The following PEX1 variants were observed in gnomAD, a reference collection of about 807,000 sequenced individuals.
The protein encoded by PEX1 is peroxisomal ATPase PEX1.
In PEX1, 97 loss-of-function variants were observed where a neutral mutation model predicts 152.5. The observed-to-expected ratio is 0.64, with a 90% CI of 0.54 to 0.75. The LOEUF is 0.75. PEX1 is among the 30% of genes least tolerant of loss of function. The probability of loss-of-function intolerance (pLI) is 0.00; values close to 1 mark genes in which losing one functional copy is unlikely to be tolerated. For synonymous variants in PEX1, 485 were observed against 531.6 expected (o/e 0.91, Z 1.21); for missense variants, 1,357 against 1,516.3 (o/e 0.89, Z 1.74).
chr7:92,504,791 G>T lies in PEX1; in HGVS notation c.2012C>A (p.Pro671His). The T allele has an allele frequency of 6.2e-7, 1 of 1,614,184 alleles. No individual in the cohort carries two copies. The highest frequency in any genetic ancestry group is 8.5e-7 in the Non-Finnish European group (1 of 1,180,014). The change falls in exon 12 of 24, where the codon CCT (proline) becomes CAT (histidine). Residue 671 changes from proline (P) to histidine (H), a missense_variant. By Grantham distance (77) the Pro-to-His change is moderately conservative (BLOSUM62 -2). Coordinates refer to ENST00000248633, the MANE Select transcript of PEX1 (RefSeq NM_000466.3). ...ACTGTGCTCATGTTCCGGGACAGCA[G>T]GCAGTCCAGCAATGAGGTCAAGGTC... ...LDDLDLIAGLPAVPEHEHSPD... is the reference protein window; with the variant it reads ...LDDLDLIAGLHAVPEHEHSPD...
At chr7:92,510,093 G>A (rs1242877553) in intron 8 of PEX1, among the ~76,000 whole-genome samples, 3 of 151,186 alleles carry the variant, frequency 2.0e-5, no homozygotes, top group East Asian at 1.9e-4. Flanking sequence ...GCAGTGAGCC[G>A]AGAGTGTGCC....
At position 92,511,024 on chromosome 7, in the gene PEX1, T is replaced by C. The variant is rs771520057; in HGVS notation, c.1507A>G (p.Ile503Val). Residue 503 changes from isoleucine to valine, a missense_variant, in exon 8 of 24, where the codon ATA becomes GTA. Transcript: ENST00000248633. ...TTTTCTTTTTCCCAAGAATGAACTATACTCAGAGAAAATTCCTTCAGTCCT... is the reference window on the plus strand; with the variant it reads ...TTTTCTTTTTCCCAAGAATGAACTACACTCAGAGAAAATTCCTTCAGTCCT... ...KDGLKEFSLS[I>V]VHSWEKEKDK... 5 of 1,556,894 alleles carry C rather than the reference T, an allele frequency of 3.2e-6. No homozygotes were observed. In the Admixed American group the frequency reaches 5.0e-5, roughly 16 times the overall value.
rs1460194011 is a variant in PEX1, at chr7:92,517,510, T to TAGCTTTCC, written c.997_1004dup (p.Val336GlufsTer3). 1 of 1,613,930 alleles carries TAGCTTTCC rather than the reference T, an allele frequency of 6.2e-7. No individual in the cohort carries two copies. The highest frequency in any genetic ancestry group is 2.2e-5 in the East Asian group (1 of 44,872). On this transcript the variant is annotated frameshift_variant, in exon 5 of 24. Coordinates refer to ENST00000248633, the MANE Select transcript of PEX1 (RefSeq NM_000466.3). LOFTEE classifies it high-confidence loss of function. ...GTTGCTTTGGAGAAAGTAGCTTAAC[T>TAGCTTTCC]AGCTTTCCATATGTCACAGTAAAGC...
intron 22 of PEX1, 106 bp downstream of exon 22, chr7:92,489,608 T>TTTC: frequency 1.8e-6 from 2 of 1,127,802 alleles, no homozygotes; most frequent in Non-Finnish European, 2.6e-6. Context: ...TTCTGGTCCC[T>TTTC]TGTTTATAAA....
At chr7:92,516,043 G>A (rs1434235163) in intron 5 of PEX1, among the ~76,000 whole-genome samples, 1,450 of 100,050 alleles carry the variant, frequency 0.014, 39 homozygotes, top group East Asian at 0.12. Flanking sequence ...GAAGAGAAGA[G>A]AAGAGAAGAG....
intron 12 of PEX1, 86 bp downstream of exon 12, chr7:92,504,644 TTC>T: frequency 7.8e-7 from 1 of 1,277,622 alleles, no homozygotes; most frequent in Non-Finnish European, 1.1e-6. Context: ...ACATATATTA[TTC>T]TCTGAAGAGA....
intron 6 of PEX1, 75 bp from the exon 7 acceptor site, chr7:92,511,778 A>T: frequency 7.4e-7 from 1 of 1,351,416 alleles, no homozygotes; most frequent in Non-Finnish European, 1.0e-6. Flanking sequence ...TTAACATCTG[A>T]TCTTCCTAAT....
intron 19 of PEX1, chr7:92,493,460 C>A (rs1791465237): frequency 6.0e-6 from 1 of 165,770 alleles, no homozygotes; most frequent in Non-Finnish European, 1.3e-5. Context: ...ACAGGGAGAC[C>A]CCATCTCTAT....
chr7:92,510,143 CAAAA>C (rs35337329), intron 8 of PEX1, among the ~76,000 whole-genome samples: 1 of 137,962 alleles, frequency 7.2e-6, no homozygotes. Flanking sequence ...GACTCCATCT[CAAAA>C]AAAAAAAAAA....
rs1792460973 is a variant in PEX1 at position 92,511,429 on chromosome 7, A to G, written c.1483+151T>C. On this transcript the variant is annotated intron_variant, in intron 7 of 23. Transcript: ENST00000248633. The stretch of plus-strand genomic sequence containing the variant: ...CATGAGCCACTGCACCCGGCCAAAG[A>G]TATTTTTCAATACATAAAAACTACT... 10 of 726,498 alleles carry G rather than the reference A, an allele frequency of 1.4e-5. No individual in the cohort carries two copies. In the East Asian group the frequency reaches 2.8e-4, roughly 20 times the overall value. The allele number at this position is 726,498 out of a possible 1,614,324, so 45.0% of individuals were successfully genotyped here.
rs150576000 is a variant in PEX1, at chr7:92,518,045, G to A, written c.473-3C>T. 4,877 of 1,614,040 alleles carry A rather than the reference G, an allele frequency of 3.0e-3. 22 individuals are homozygous for A. Among genetic ancestry groups the A allele is most frequent in the Admixed American group, 0.014 (866 of 60,022 alleles). ...AGAGGCAGCTGGTATTAGTGCAACT[G>A]TGTAGAAAATAAAGCTCATTAGTGC... On this transcript the variant is annotated splice_polypyrimidine_tract_variant and splice_region_variant and intron_variant, in intron 4 of 23. Coordinates refer to ENST00000248633, the MANE Select transcript of PEX1 (RefSeq NM_000466.3).
In PEX1 at chr7:92,506,279, A is replaced by G; in HGVS notation, c.1869T>C (p.His623=). 1.2e-6 allele frequency: 2 copies of G among 1,608,432 alleles called. No homozygotes were observed. The highest frequency in any genetic ancestry group is 1.7e-6 in the Non-Finnish European group (2 of 1,174,924). The change falls in exon 11 of 24, where the codon CAT becomes CAC. Residue 623 remains histidine, a synonymous_variant. Coordinates refer to ENST00000248633, the MANE Select transcript of PEX1 (RefSeq NM_000466.3). Reference sequence around the variant, plus strand: ...AAGCTTTACAGTCAACTCTCTCCACATGGGCATCCAGTTTGTCAAATGCTT... The same window carrying G: ...AAGCTTTACAGTCAACTCTCTCCACGTGGGCATCCAGTTTGTCAAATGCTT... ...CKEAFDKLDA[H]VERVDCKALR...
At chr7:92,520,051 G>A (rs1235257895) in intron 2 of PEX1, among the ~76,000 whole-genome samples, 1 of 152,090 alleles carries the variant, frequency 6.6e-6, no homozygotes, top group African/African-American at 2.4e-5. Context: ...TGCCCACCAA[G>A]AAGCTAGAGA....
At chr7:92,492,566 C>T (rs1006136197) in intron 20 of PEX1, among the ~76,000 whole-genome samples, 2 of 152,192 alleles carry the variant, frequency 1.3e-5, no homozygotes, top group Non-Finnish European at 2.9e-5. Flanking sequence ...TCCTATTGGC[C>T]AGATTGGAAC....
chr7:92,517,474 T>G lies in PEX1; in HGVS notation c.1041A>C (p.Lys347Asn), dbSNP rs775848018. 1 of 1,614,034 alleles carries G rather than the reference T, an allele frequency of 6.2e-7. No homozygotes were observed. The highest frequency in any genetic ancestry group is 8.5e-7 in the Non-Finnish European group (1 of 1,180,016). Residue 347 changes from lysine to asparagine, a missense_variant, in exon 5 of 24, where the codon AAA (lysine) becomes AAC (asparagine). Transcript: ENST00000248633. The part of the protein sequence containing the change: ...KLLSPKQQQS[K>N]TKQNVLSPEK... ...CAGGTGATAACACATTTTGTTTTGT[T>G]TTACTTTGCTGTTGCTTTGGAGAAA...
At chr7:92,501,378 T>G (rs1037545171) in intron 15 of PEX1, 129 bp downstream of exon 15, 5 of 724,592 alleles carry the variant, frequency 6.9e-6, no homozygotes, top group African/African-American at 1.8e-5. Context: ...GTTAAGACAT[T>G]TATTTGGTAA....
chr7:92,515,996 A>G (rs1207066661), intron 5 of PEX1, among the ~76,000 whole-genome samples: 2 of 122,350 alleles, frequency 1.6e-5, no homozygotes, highest in East Asian at 2.6e-4. Flanking sequence ...TCTAACTCAA[A>G]AAAAGAAAAG....
At position 92,510,949 on chromosome 7, in the gene PEX1, T is replaced by C. The variant is rs1792432441; in HGVS notation, c.1582A>G (p.Ile528Val). The C allele has an allele frequency of 1.4e-6, 2 of 1,438,074 alleles. No homozygotes were observed. The highest frequency in any genetic ancestry group is 2.0e-6 in the Non-Finnish European group (2 of 1,020,810). 89.1% of individuals were successfully genotyped at this position (1,438,074 alleles called of 1,614,324 possible). A position where few individuals can be genotyped will look rare whatever the true frequency, so the allele number is the denominator to read the frequency against. The change falls in exon 8 of 24, where the codon ATA (isoleucine) becomes GTA (valine). Residue 528 changes from isoleucine to valine, a missense_variant. By Grantham distance (29) the Ile-to-Val change is conservative. Transcript: ENST00000248633. ...LSPNLLQKTT[I>V]QVLLDPMVKE... ...ATTCAATAACATGCTATTACTTGTATTGTAGTCTTCTGCAGCAAATTGGGA... is the reference window on the plus strand; with the variant it reads ...ATTCAATAACATGCTATTACTTGTACTGTAGTCTTCTGCAGCAAATTGGGA...
intron 1 of PEX1, among the ~76,000 whole-genome samples, chr7:92,524,155 A>G (rs1793164979): frequency 6.6e-6 from 1 of 151,980 alleles, no homozygotes; most frequent in Admixed American, 6.6e-5. Flanking sequence ...TGGCAAAATC[A>G]CGGCTCACTG....
Sources: allele counts gnomAD v4.1 joint callset (sites outside exome capture counted in the v4.1 genomes callset), GRCh38; gene constraint gnomAD v4.1.1; transcripts MANE v1.5; gene names NCBI Gene and HGNC (gene_info 2026-07-23, HGNC 2026-07-21).